CFAP68: variants seen among roughly 807,000 people sequenced by gnomAD.
The protein encoded by CFAP68 is cilia- and flagella-associated protein 68.
chr11:111,883,431 A>G, the CFAP68 span, among the ~76,000 whole-genome samples: 1 of 151,994 alleles, frequency 6.6e-6, no homozygotes, highest in Admixed American at 6.6e-5. Flanking sequence ...CTCTACTAAA[A>G]AAAATACAAA....
At chr11:111,883,931 C>A in the CFAP68 span, 1 of 1,277,850 alleles carries the variant, frequency 7.8e-7, no homozygotes, top group Non-Finnish European at 1.1e-6. Context: ...ACTAGTTTCA[C>A]ATCCAGGTTT....
chr11:111,884,863 T>C, the CFAP68 span: 1 of 152,078 alleles, frequency 6.6e-6, no homozygotes, highest in South Asian at 2.1e-4. Context: ...TATAAAAATC[T>C]TGGTGGGCTG....
the CFAP68 span, chr11:111,879,549 A>G: frequency 2.5e-6 from 4 of 1,613,962 alleles, no homozygotes; most frequent in Non-Finnish European, 2.5e-6. Context: ...ACCTTTTTTC[A>G]CCTCGTCTGA....
At chr11:111,879,670 C>A in the CFAP68 span, 1 of 1,532,220 alleles carries the variant, frequency 6.5e-7, no homozygotes, top group Non-Finnish European at 9.0e-7. Context: ...GCGTGCCAGG[C>A]CACTGTGAGG....
the CFAP68 span, chr11:111,881,638 GGC>G: frequency 1.3e-6 from 2 of 1,503,646 alleles, no homozygotes; most frequent in African/African-American, 2.8e-5. Context: ...TAAGTCAGGG[GGC>G]CAGACTCACA....
At chr11:111,881,466 ATTCT>A in the CFAP68 span, 47 of 1,535,898 alleles carry the variant, frequency 3.1e-5, no homozygotes, top group South Asian at 1.7e-4. Context: ...AATCTGGGTG[ATTCT>A]TTCTTTGCTT....
chr11:111,883,204 T>C, the CFAP68 span: 5 of 1,564,710 alleles, frequency 3.2e-6, no homozygotes, highest in Non-Finnish European at 3.5e-6. Flanking sequence ...CAACACATAG[T>C]ACGTGGACTG....
the CFAP68 span, among the ~76,000 whole-genome samples, chr11:111,880,479 T>C: frequency 6.6e-6 from 1 of 152,222 alleles, no homozygotes; most frequent in South Asian, 2.1e-4. Context: ...CCAGCTAAAA[T>C]CCACCAAAAC....
the CFAP68 span, among the ~76,000 whole-genome samples, chr11:111,883,372 T>C: frequency 1.3e-5 from 2 of 152,022 alleles, no homozygotes; most frequent in Non-Finnish European, 2.9e-5. Context: ...GGCAGATCAC[T>C]TGAGGTCAGG....
chr11:111,884,805 G>C, the CFAP68 span: 1 of 152,208 alleles, frequency 6.6e-6, no homozygotes, highest in South Asian at 2.1e-4. Flanking sequence ...CTTCTACTTT[G>C]TCTTATTGAA....
the CFAP68 span, chr11:111,883,693 G>A: frequency 1.0e-6 from 1 of 969,072 alleles, no homozygotes; most frequent in South Asian, 1.3e-5. Flanking sequence ...CTAGAAATAA[G>A]AGCAAGATCA....
the CFAP68 span, chr11:111,883,296 G>A: frequency 1.8e-6 from 2 of 1,115,136 alleles, no homozygotes; most frequent in Non-Finnish European, 2.6e-6. Context: ...AACTGAATAG[G>A]TGAATAAGTG....
the CFAP68 span, chr11:111,883,065 C>T: frequency 8.9e-7 from 1 of 1,127,346 alleles, no homozygotes; most frequent in Middle Eastern, 2.4e-4. Context: ...GAATTCATGT[C>T]ATATTGATCT....
At chr11:111,882,388 C>G in the CFAP68 span, 1 of 1,614,044 alleles carries the variant, frequency 6.2e-7, no homozygotes, top group South Asian at 1.1e-5. Context: ...TCGCCTGTTT[C>G]CTCACAAACC....
At chr11:111,880,718 T>C in the CFAP68 span, 1 of 454,996 alleles carries the variant, frequency 2.2e-6, no homozygotes, top group Non-Finnish European at 4.4e-6. Context: ...TCTTTATTCC[T>C]TTACTTTCTT....
chr11:111,882,553 A>G, the CFAP68 span: 1 of 1,613,416 alleles, frequency 6.2e-7, no homozygotes, highest in Non-Finnish European at 8.5e-7. Flanking sequence ...ACCAGGAAAG[A>G]TATGACCTGA....
At chr11:111,881,444 C>T in the CFAP68 span, 1 of 1,535,450 alleles carries the variant, frequency 6.5e-7, no homozygotes, top group Non-Finnish European at 8.7e-7. Context: ...ATCATGGCCA[C>T]TTGCCCATGG....
At chr11:111,881,638 G>T in the CFAP68 span, 1 of 1,503,646 alleles carries the variant, frequency 6.7e-7, no homozygotes, top group Non-Finnish European at 8.8e-7. Flanking sequence ...TAAGTCAGGG[G>T]GCCAGACTCA....
the CFAP68 span, chr11:111,882,634 C>G: frequency 6.7e-7 from 1 of 1,492,396 alleles, no homozygotes; most frequent in Non-Finnish European, 9.0e-7. Flanking sequence ...TGTTTGTTTC[C>G]TTCTGTTGGC....
Sources: gnomAD v4.1 joint callset for allele counts (sites outside exome capture counted in the v4.1 genomes callset) on GRCh38, gnomAD v4.1.1 for gene constraint, MANE v1.5 for transcripts, NCBI Gene and HGNC (gene_info 2026-07-23, HGNC 2026-07-21) for gene names.